TTC21B: variants seen among roughly 807,000 people sequenced by gnomAD.
TTC21B encodes tetratricopeptide repeat protein 21B.
A neutral mutation model predicts 175.1 loss-of-function variants in TTC21B; 127 were observed. The observed-to-expected ratio is 0.73, with a 90% confidence interval of 0.63 to 0.84. The LOEUF (loss-of-function observed/expected upper bound fraction) is 0.84. Among genes scored for constraint, TTC21B ranks in the 40% least tolerant of loss-of-function variants. The probability of loss-of-function intolerance (pLI) is 0.00; values close to 1 mark genes in which losing one functional copy is unlikely to be tolerated. For synonymous variants in TTC21B, 524 were observed against 524.5 expected (o/e 1.00, Z 0.01); for missense variants, 1,561 against 1,558.3 (o/e 1.00, Z -0.03).
At position 165,882,524 on chromosome 2, in the gene TTC21B, T is replaced by C. The variant is rs866653678; in HGVS notation, c.3684+1270A>G. Among the ~76,000 whole-genome samples, 6 of 152,310 alleles carry C rather than the reference T, an allele frequency of 3.9e-5. No individual in the cohort carries two copies. In the South Asian group the frequency reaches 8.3e-4, roughly 21 times the overall value. On this transcript the variant is annotated intron_variant, in intron 26 of 28. Coordinates refer to ENST00000243344, the MANE Select transcript of TTC21B (RefSeq NM_024753.5). Reference sequence around the variant, plus strand: ...CTAGAGGTGTCTTTAAGTTGGCCCCTAGATCTTTCACACAAACTCTAATCA... The same window carrying C: ...CTAGAGGTGTCTTTAAGTTGGCCCCCAGATCTTTCACACAAACTCTAATCA...
At chr2:165,949,938 T>G (rs1574148864) in intron 1 of TTC21B, 1 of 444,880 alleles carries the variant, frequency 2.2e-6, no homozygotes, top group Non-Finnish European at 3.9e-6. Flanking sequence ...ATTCAATGTT[T>G]TCTAATAATT....
rs939376372 is a variant in TTC21B at position 165,931,781 on chromosome 2, T to C, written c.871A>G (p.Ile291Val). The change falls in exon 8 of 29, where the codon ATT becomes GTT. Residue 291 changes from isoleucine (I) to valine (V), a missense_variant. Ile to Val is a conservative substitution (Grantham distance 29). Coordinates refer to ENST00000243344, the MANE Select transcript of TTC21B (RefSeq NM_024753.5). Reference sequence around the variant, plus strand: ...ACAGTTCTGCTGAAGGCGAGTGTAATGTTATAGAAAAGTTGAGCATTCTGT... The same window carrying C: ...ACAGTTCTGCTGAAGGCGAGTGTAACGTTATAGAAAAGTTGAGCATTCTGT... ...EPQNAQLFYNITLAFSRTCGR... is the reference protein window; with the variant it reads ...EPQNAQLFYNVTLAFSRTCGR... The C allele has an allele frequency of 2.5e-6, 4 of 1,613,506 alleles. No homozygotes were observed. Among genetic ancestry groups the C allele is most frequent in the Non-Finnish European group, 3.4e-6 (4 of 1,179,522 alleles).
intron 6 of TTC21B, 121 bp downstream of exon 6, chr2:165,940,906 T>C (rs1035989610): frequency 9.8e-7 from 1 of 1,018,054 alleles, no homozygotes; most frequent in African/African-American, 1.6e-5. Context: ...ATTTCCTCGG[T>C]TCCACACTGT....
intron 12 of TTC21B, among the ~76,000 whole-genome samples, chr2:165,922,244 A>G (rs1481137078): frequency 6.6e-6 from 1 of 152,164 alleles, no homozygotes; most frequent in Non-Finnish European, 1.5e-5. Context: ...ATTCAATCAG[A>G]AAGTATTAGT....
intron 5 of TTC21B, among the ~76,000 whole-genome samples, chr2:165,942,863 G>C (rs1687419602): frequency 6.6e-6 from 1 of 152,114 alleles, no homozygotes; most frequent in African/African-American, 2.4e-5. Flanking sequence ...TCCATCAGTA[G>C]GATATAAGCT....
intron 12 of TTC21B, among the ~76,000 whole-genome samples, chr2:165,922,437 A>G (rs2105333215): frequency 6.6e-6 from 1 of 152,196 alleles, no homozygotes; most frequent in South Asian, 2.1e-4. Context: ...ATTTATCTAA[A>G]GAAGATATAC....
intron 23 of TTC21B, 36 bp from the exon 24 acceptor site, chr2:165,890,676 C>G: frequency 4.4e-6 from 7 of 1,597,104 alleles, no homozygotes; most frequent in Non-Finnish European, 6.0e-6. Flanking sequence ...TTATTTCAAT[C>G]ACTGACTACA....
chr2:165,887,687 CA>C (rs1032148871), intron 25 of TTC21B, among the ~76,000 whole-genome samples: 3 of 143,344 alleles, frequency 2.1e-5, no homozygotes, highest in East Asian at 2.0e-4. Flanking sequence ...AACTCCGACT[CA>C]AAAAAAAAGG....
chr2:165,932,526 G>A (rs1477408104), intron 7 of TTC21B, among the ~76,000 whole-genome samples: 1 of 151,966 alleles, frequency 6.6e-6, no homozygotes, highest in Non-Finnish European at 1.5e-5. Context: ...AAACAGATGT[G>A]CTTTATTATG....
In TTC21B at chr2:165,883,964, G is replaced by C; in HGVS notation, c.3514C>G (p.Gln1172Glu). The C allele has an allele frequency of 6.2e-7, 1 of 1,614,082 alleles. No homozygotes were observed. Among genetic ancestry groups the C allele is most frequent in the South Asian group, 1.1e-5 (1 of 91,076 alleles). ...GMATAYMILK[Q>E]TPRARNQLKR... Reference sequence around the variant, plus strand: ...AGCTGGTTTCTGGCTCGTGGAGTCTGTTTCAAGATCATATAAGCCGTTGCC... The same window carrying C: ...AGCTGGTTTCTGGCTCGTGGAGTCTCTTTCAAGATCATATAAGCCGTTGCC... Residue 1172 changes from glutamine to glutamate, a missense_variant, in exon 26 of 29, where the codon CAG becomes GAG. Gln to Glu is a conservative substitution (Grantham distance 29). Coordinates refer to ENST00000243344, the MANE Select transcript of TTC21B (RefSeq NM_024753.5).
At chr2:165,936,164 G>C (rs990890011) in intron 6 of TTC21B, among the ~76,000 whole-genome samples, 1 of 152,078 alleles carries the variant, frequency 6.6e-6, no homozygotes, top group African/African-American at 2.4e-5. Flanking sequence ...GACCCACATA[G>C]ATAGTAAACT....
At chr2:165,892,787 A>G (rs991511118) in intron 22 of TTC21B, among the ~76,000 whole-genome samples, 1 of 152,212 alleles carries the variant, frequency 6.6e-6, no homozygotes, top group African/African-American at 2.4e-5. Context: ...GTTGATGGAT[A>G]ACGGTGATGA....
chr2:165,930,809 C>G (rs7574672), intron 8 of TTC21B, among the ~76,000 whole-genome samples: 23,537 of 135,574 alleles, frequency 0.17, 2,199 homozygotes, highest in East Asian at 0.28. Context: ...AAAACTAGGA[C>G]TAGGATCTGT....
chr2:165,902,904 T>C (rs948736580), intron 19 of TTC21B, among the ~76,000 whole-genome samples: 7 of 152,094 alleles, frequency 4.6e-5, no homozygotes, highest in Non-Finnish European at 7.4e-5. Flanking sequence ...ATTAGGAAAG[T>C]AGAAAGCAGG....
chr2:165,892,196 G>T (rs1685218297), intron 22 of TTC21B, among the ~76,000 whole-genome samples: 1 of 152,078 alleles, frequency 6.6e-6, no homozygotes, highest in African/African-American at 2.4e-5. Flanking sequence ...ATTTGTAGGG[G>T]ACTTGTAAAA....
At chr2:165,937,900 T>A (rs1687217341) in intron 6 of TTC21B, among the ~76,000 whole-genome samples, 1 of 151,222 alleles carries the variant, frequency 6.6e-6, no homozygotes, top group South Asian at 2.1e-4. Context: ...TCAAATATCA[T>A]TTCACACTAA....
intron 13 of TTC21B, among the ~76,000 whole-genome samples, chr2:165,918,482 C>T (rs576779503): frequency 4.6e-5 from 7 of 151,892 alleles, no homozygotes; most frequent in East Asian, 3.9e-4. Flanking sequence ...TTTTTAGTAG[C>T]GACGGGTTTT....
At chr2:165,919,495 G>C in intron 12 of TTC21B, 62 bp from the exon 13 acceptor site, 1 of 1,545,540 alleles carries the variant, frequency 6.5e-7, no homozygotes, top group Non-Finnish European at 8.9e-7. Flanking sequence ...ATCTGAGAGG[G>C]AAGAGGAAGA....
chr2:165,893,427 CTT>C (rs1436394331), intron 22 of TTC21B, among the ~76,000 whole-genome samples: 1 of 151,990 alleles, frequency 6.6e-6, no homozygotes, highest in African/African-American at 2.4e-5. Flanking sequence ...TTGAATATTT[CTT>C]ATATACTATT....
Sources: gnomAD v4.1 joint callset for allele counts (sites outside exome capture counted in the v4.1 genomes callset) on GRCh38, gnomAD v4.1.1 for gene constraint, MANE v1.5 for transcripts, NCBI Gene and HGNC (gene_info 2026-07-23, HGNC 2026-07-21) for gene names.